The following HAT1 variants were observed in gnomAD, a reference collection of about 807,000 sequenced individuals.
The protein encoded by HAT1 is histone acetyltransferase type B catalytic subunit.
A neutral mutation model predicts 56.6 loss-of-function variants in HAT1; 20 were observed. The ratio of observed to expected loss-of-function variants is 0.35; its 90% CI spans 0.25 to 0.51. The LOEUF (loss-of-function observed/expected upper bound fraction) is 0.51, where lower values mean the gene tolerates loss of function less well. HAT1 is among the 20% of genes least tolerant of loss of function. HAT1 has a pLI of 0.95. For synonymous variants in HAT1, 146 were observed against 165.5 expected (o/e 0.88, Z 0.91); for missense variants, 408 against 504.3 (o/e 0.81, Z 1.83).
At chr2:171,938,075 T>TCTCTCTCTCTCTCTA (rs1558965281) in intron 2 of HAT1, among the ~76,000 whole-genome samples, 1 of 138,934 alleles carries the variant, frequency 7.2e-6, no homozygotes, top group Non-Finnish European at 1.6e-5. Flanking sequence ...TCTCTCTCTC[T>TCTCTCTCTCTCTCTA]TTAAATGAAC....
intron 4 of HAT1, among the ~76,000 whole-genome samples, chr2:171,962,459 G>T (rs1474424864): frequency 6.6e-6 from 1 of 152,152 alleles, no homozygotes; most frequent in East Asian, 1.9e-4. Flanking sequence ...CAGTGGCGCA[G>T]TCTTGGCTCA....
chr2:171,942,417 C>A (rs913960508), intron 2 of HAT1, among the ~76,000 whole-genome samples: 5 of 152,014 alleles, frequency 3.3e-5, no homozygotes, highest in Non-Finnish European at 7.4e-5. Context: ...ATTATGTATT[C>A]ATTTCTATTG....
chr2:171,930,650 C>T (rs956502770), intron 2 of HAT1, among the ~76,000 whole-genome samples: 1 of 152,128 alleles, frequency 6.6e-6, no homozygotes, highest in Non-Finnish European at 1.5e-5. Context: ...TGGCTCACTC[C>T]ATTGCCAAGG....
At chr2:171,961,357 T>C (rs558167082) in intron 4 of HAT1, among the ~76,000 whole-genome samples, 1 of 152,298 alleles carries the variant, frequency 6.6e-6, no homozygotes, top group Admixed American at 6.5e-5. Flanking sequence ...TGCCTTTTAG[T>C]GAAGTAGTGG....
chr2:171,967,109 C>T (rs1047041938), intron 8 of HAT1, among the ~76,000 whole-genome samples, 160 bp downstream of exon 8: 1 of 151,922 alleles, frequency 6.6e-6, no homozygotes, highest in African/African-American at 2.4e-5. Flanking sequence ...AGAGCATAAG[C>T]CTTTGTGGGG....
chr2:171,930,344 ATT>A (rs1558961921), intron 2 of HAT1, among the ~76,000 whole-genome samples: 1 of 151,794 alleles, frequency 6.6e-6, no homozygotes. Context: ...TAATTTTTGT[ATT>A]TTTTGTAGAG....
intron 10 of HAT1, among the ~76,000 whole-genome samples, chr2:171,982,483 C>T (rs902205356): frequency 3.9e-5 from 6 of 152,176 alleles, no homozygotes; most frequent in African/African-American, 1.4e-4. Context: ...CTGGCTTGAA[C>T]TACTGCAGTA....
chr2:171,970,352 C>T (rs927679358), intron 8 of HAT1, among the ~76,000 whole-genome samples: 7 of 151,296 alleles, frequency 4.6e-5, no homozygotes, highest in Admixed American at 2.0e-4. Context: ...ACCTGTGAGC[C>T]GAGATCCTGC....
Position 171,966,840 on chromosome 2 carries a change from T to C in HAT1, c.717-3T>C, listed in dbSNP as rs756975580. 49 of 1,417,902 alleles carry C rather than the reference T, an allele frequency of 3.5e-5. 3 individuals carry two copies. The South Asian group carries it at 5.5e-4, about 16-fold the overall frequency. 87.8% of individuals were successfully genotyped at this position (1,417,902 alleles called of 1,614,324 possible). On this transcript the variant is annotated splice_region_variant and splice_polypyrimidine_tract_variant and intron_variant, in intron 7 of 10. Transcript: ENST00000264108. ...TAATTTTAAAATAATTTCTTTACTG[T>C]AGTCAGATGCTGATTTTGACTCCAT...
chr2:171,956,514 A>G (rs1687453788), intron 4 of HAT1, among the ~76,000 whole-genome samples: 1 of 145,066 alleles, frequency 6.9e-6, no homozygotes, highest in Non-Finnish European at 1.5e-5. Flanking sequence ...CTTGTCTCCA[A>G]AAAACAAACA....
At chr2:171,937,062 C>T (rs1686889232) in intron 2 of HAT1, among the ~76,000 whole-genome samples, 1 of 152,092 alleles carries the variant, frequency 6.6e-6, no homozygotes, top group Admixed American at 6.6e-5. Context: ...TCAAGTGATC[C>T]TTCCACCTCA....
chr2:171,943,950 C>T (rs1574044326), intron 2 of HAT1, among the ~76,000 whole-genome samples: 1 of 151,728 alleles, frequency 6.6e-6, no homozygotes. Flanking sequence ...AAATTGGATA[C>T]GAGCCTGGGC....
chr2:171,961,067 G>A (rs1687560667), intron 4 of HAT1, among the ~76,000 whole-genome samples: 2 of 152,078 alleles, frequency 1.3e-5, no homozygotes, highest in Admixed American at 6.6e-5. Context: ...ACTTGAACTC[G>A]GGAAGTGGAG....
At chr2:171,922,654 C>G (rs1448058188) in intron 1 of HAT1, 147 bp downstream of exon 1, 1 of 580,480 alleles carries the variant, frequency 1.7e-6, no homozygotes, top group East Asian at 3.2e-5. Flanking sequence ...GCGCGGAACT[C>G]TCAGCCCAGC....
At chr2:171,948,841 G>T (rs1687234329) in intron 3 of HAT1, among the ~76,000 whole-genome samples, 1 of 152,298 alleles carries the variant, frequency 6.6e-6, no homozygotes, top group African/African-American at 2.4e-5. Flanking sequence ...TGTGTCCTCA[G>T]TGTATCACAT....
rs1392738445 is a variant in HAT1 at position 171,966,058 on chromosome 2, T to A, written c.611+150T>A. On this transcript the variant is annotated intron_variant, in intron 6 of 10. Transcript: ENST00000264108. ...ATGAGGCTTGAGTTTTCCTTCATTA[T>A]GCTTTGGGAGACCTTGAGAATAGAG... 92 of 705,600 alleles carry A rather than the reference T, an allele frequency of 1.3e-4. 1 individual carries two copies. In the East Asian group the frequency reaches 2.4e-3, roughly 19 times the overall value. 43.7% of individuals were successfully genotyped at this position (705,600 alleles called of 1,614,324 possible).
At chr2:171,967,540 T>TA (rs996174231) in intron 8 of HAT1, among the ~76,000 whole-genome samples, 15 of 152,234 alleles carry the variant, frequency 9.9e-5, no homozygotes, top group African/African-American at 3.4e-4. Context: ...TTACTCGACT[T>TA]ACTCGACTTG....
intron 3 of HAT1, among the ~76,000 whole-genome samples, chr2:171,952,065 T>G (rs1013451758): frequency 6.6e-6 from 1 of 152,240 alleles, no homozygotes; most frequent in Non-Finnish European, 1.5e-5. Flanking sequence ...TATTGAGATA[T>G]ATACTGTGCA....
intron 4 of HAT1, among the ~76,000 whole-genome samples, chr2:171,958,004 G>A (rs1053851068): frequency 3.9e-5 from 6 of 151,932 alleles, no homozygotes; most frequent in Admixed American, 1.3e-4. Context: ...ACTTTTTCAG[G>A]GCTTTAAACT....
Sources: gnomAD v4.1 joint callset for allele counts (sites outside exome capture counted in the v4.1 genomes callset) on GRCh38, gnomAD v4.1.1 for gene constraint, MANE v1.5 for transcripts, NCBI Gene and HGNC (gene_info 2026-07-23, HGNC 2026-07-21) for gene names.